Variants in PTPN2 observed in about 807,000 individuals in gnomAD.
The protein encoded by PTPN2 is protein tyrosine phosphatase non-receptor type 2.
In PTPN2, 19 loss-of-function variants were observed where a neutral mutation model predicts 57.3. That is an observed-to-expected ratio of 0.33 (90% CI 0.23 to 0.49). The LOEUF (loss-of-function observed/expected upper bound fraction) is 0.49. Among genes scored for constraint, PTPN2 ranks in the 20% least tolerant of loss-of-function variants. The pLI is 0.99. For missense variants in PTPN2, 358 were observed against 501.1 expected (o/e 0.71, Z 2.73); for synonymous variants, 153 against 164.9 (o/e 0.93, Z 0.55).
intron 8 of PTPN2, among the ~76,000 whole-genome samples, chr18:12,796,562 AAC>A (rs1453641236): frequency 3.9e-5 from 6 of 152,198 alleles, no homozygotes; most frequent in African/African-American, 7.2e-5. Flanking sequence ...TGCCACAGAA[AAC>A]AGTTTGACAG....
chr18:12,873,006 A>G (rs529616502), intron 1 of PTPN2, among the ~76,000 whole-genome samples: 9 of 152,204 alleles, frequency 5.9e-5, no homozygotes, highest in African/African-American at 1.9e-4. Flanking sequence ...GGATCACCTG[A>G]GGTCAGGAGT....
chr18:12,794,470 A>T lies in PTPN2; in HGVS notation c.1056T>A (p.Arg352=). The T allele has an allele frequency of 6.2e-7, 1 of 1,613,438 alleles. No homozygotes were observed. Among genetic ancestry groups the T allele is most frequent in the Non-Finnish European group, 8.5e-7 (1 of 1,180,016 alleles). The change falls in exon 9 of 9, where the codon CGT becomes CGA. Residue 352 remains arginine (R), a synonymous_variant. Coordinates refer to ENST00000309660, the MANE Select transcript of PTPN2 (RefSeq NM_002828.4). ...EENSESALRK[R]IREDRKATTA... is the part of the protein sequence containing the mutation. ...TGGTGGCCTTTCTGTCCTCTCGAAT[A>T]CGTTTCCGTAGAGCACTATGAGGAA...
intron 9 of PTPN2, chr18:12,786,933 T>C (rs1294635901): frequency 1.3e-5 from 2 of 152,226 alleles, no homozygotes; most frequent in Non-Finnish European, 2.9e-5. Context: ...GTTTATTACA[T>C]GAATCTTCAG....
rs2042107989 is a variant in PTPN2 at position 12,817,190 on chromosome 18, C to A, written c.671G>T (p.Gly224Val). ...ACAAGTGTCTACCAGAGAGAAGGTG[C>A]CAGAGCGCCCAATGCCTGCACTACA... Reference protein sequence around the residue: ...IHCSAGIGRSGTFSLVDTCLV... With the variant: ...IHCSAGIGRSVTFSLVDTCLV... Residue 224 changes from glycine (G) to valine (V), a missense_variant, in exon 6 of 9, where the codon GGC (glycine) becomes GTC (valine). Gly to Val is a moderately radical substitution (Grantham distance 109, BLOSUM62 -3). Coordinates refer to ENST00000309660, the MANE Select transcript of PTPN2 (RefSeq NM_002828.4). The A allele has an allele frequency of 6.2e-7, 1 of 1,614,014 alleles. No individual in the cohort carries two copies.
chr18:12,850,264 G>A (rs1420151677), intron 2 of PTPN2, among the ~76,000 whole-genome samples: 3 of 152,152 alleles, frequency 2.0e-5, no homozygotes, highest in East Asian at 3.9e-4. Flanking sequence ...GCCGAGGCAG[G>A]CAGATCACTT....
chr18:12,810,321 G>A (rs1002404695), intron 7 of PTPN2, among the ~76,000 whole-genome samples: 2 of 152,062 alleles, frequency 1.3e-5, no homozygotes, highest in Non-Finnish European at 2.9e-5. Context: ...CCGAGATCAC[G>A]CCACTGCAAT....
chr18:12,810,792 T>C (rs1684764359), intron 7 of PTPN2, among the ~76,000 whole-genome samples: 1 of 152,152 alleles, frequency 6.6e-6, no homozygotes, highest in South Asian at 2.1e-4. Flanking sequence ...GAAAGAGGTC[T>C]CTGGACTTCA....
chr18:12,801,568 TTTATTA>T (rs914905113), intron 8 of PTPN2, among the ~76,000 whole-genome samples: 1 of 152,038 alleles, frequency 6.6e-6, no homozygotes, highest in African/African-American at 2.4e-5. Flanking sequence ...TAATTATTTA[TTTATTA>T]TTATTATTTA....
intron 1 of PTPN2, among the ~76,000 whole-genome samples, chr18:12,870,059 G>A (rs1435088691): frequency 1.3e-5 from 2 of 151,004 alleles, no homozygotes; most frequent in South Asian, 2.1e-4. Flanking sequence ...TTTTCTTTGA[G>A]AAGCTCTCTT....
At chr18:12,815,839 G>A (rs1295671163) in intron 6 of PTPN2, among the ~76,000 whole-genome samples, 1 of 152,166 alleles carries the variant, frequency 6.6e-6, no homozygotes, top group Non-Finnish European at 1.5e-5. Context: ...AGCTCCTTGT[G>A]TGTGTGTTTA....
In PTPN2 at chr18:12,804,289, C is replaced by CAAAAAA. The variant is rs59927276; in HGVS notation, c.859-2144_859-2139dup. On this transcript the variant is annotated intron_variant, in intron 7 of 8. Transcript: ENST00000309660. Reference sequence around the variant, plus strand: ...TCTAGGGGTCAGAGTGAAACTGTCTCAAAAAAAAAAAAAAAAAAAAGAAAA... The same window carrying CAAAAAA: ...TCTAGGGGTCAGAGTGAAACTGTCTCAAAAAAAAAAAAAAAAAAAAAAAAAAGAAAA... 1.7e-3 allele frequency among the ~76,000 whole-genome samples: 117 copies of CAAAAAA among 67,776 alleles called. 2 individuals carry two copies. Among genetic ancestry groups the CAAAAAA allele is most frequent in the African/African-American group, 6.8e-3 (105 of 15,508 alleles). 44.5% of individuals were successfully genotyped at this position (67,776 alleles called of 152,430 possible).
chr18:12,856,238 C>T (rs183560551), intron 2 of PTPN2, among the ~76,000 whole-genome samples: 1 of 152,074 alleles, frequency 6.6e-6, no homozygotes, highest in East Asian at 1.9e-4. Flanking sequence ...GGTGCCAAGG[C>T]GGTGTGGGGA....
rs192203520 is a variant in PTPN2, at chr18:12,850,004, T to C, written c.160+9160A>G. On this transcript the variant is annotated intron_variant, in intron 2 of 8. Transcript: ENST00000309660. Reference sequence around the variant, plus strand: ...TGCACCTTCTTTCTTTCTTGTTTGATTGATCGTGCTCGATCTTGACAGAGT... The same window carrying C: ...TGCACCTTCTTTCTTTCTTGTTTGACTGATCGTGCTCGATCTTGACAGAGT... 2.6e-5 allele frequency among the ~76,000 whole-genome samples: 4 copies of C among 152,302 alleles called. No homozygotes were observed. The East Asian group carries it at 7.7e-4, about 29-fold the overall frequency.
chr18:12,831,089 A>T (rs757499109), intron 3 of PTPN2, 48 bp from the exon 4 acceptor site: 6 of 1,370,172 alleles, frequency 4.4e-6, no homozygotes, highest in Non-Finnish European at 6.2e-6. Flanking sequence ...AGACAGAAAG[A>T]GCAAGGCTCC....
intron 1 of PTPN2, among the ~76,000 whole-genome samples, chr18:12,866,727 G>A (rs909805835): frequency 6.6e-6 from 1 of 151,334 alleles, no homozygotes; most frequent in Non-Finnish European, 1.5e-5. Flanking sequence ...AATATATCTC[G>A]GCCGGGCGTG....
At chr18:12,824,972 G>C (rs1175760095) in intron 5 of PTPN2, among the ~76,000 whole-genome samples, 1 of 152,118 alleles carries the variant, frequency 6.6e-6, no homozygotes, top group Non-Finnish European at 1.5e-5. Flanking sequence ...TGTAATCCCA[G>C]ATACTCAGGA....
chr18:12,836,059 TTTAAG>T (rs1174667619), intron 3 of PTPN2, among the ~76,000 whole-genome samples: 1 of 151,882 alleles, frequency 6.6e-6, no homozygotes. Flanking sequence ...GTCATTCTGA[TTTAAG>T]TTATGTTTTC....
Position 12,823,937 on chromosome 18 carries a change from C to T in PTPN2, c.495+1873G>A, listed in dbSNP as rs529001019. ...TGTTACTTAAGGTATAATCAATTCTCAATAAGGACTGTTTCAGAAACAGGG... is the reference window on the plus strand; with the variant it reads ...TGTTACTTAAGGTATAATCAATTCTTAATAAGGACTGTTTCAGAAACAGGG... On this transcript the variant is annotated intron_variant, in intron 5 of 8. Coordinates refer to ENST00000309660, the MANE Select transcript of PTPN2 (RefSeq NM_002828.4). Among the ~76,000 whole-genome samples, 802 of 152,230 alleles carry T rather than the reference C, an allele frequency of 5.3e-3. 5 individuals are homozygous for T. Among genetic ancestry groups the T allele is most frequent in the African/African-American group, 0.019 (768 of 41,508 alleles).
intron 1 of PTPN2, among the ~76,000 whole-genome samples, chr18:12,874,255 G>A (rs2044388724): frequency 1.3e-5 from 2 of 148,826 alleles, no homozygotes; most frequent in East Asian, 2.0e-4. Context: ...GGGAGGTGGG[G>A]GGTTCAGCCC....
Sources: gnomAD v4.1 joint callset for allele counts (sites outside exome capture counted in the v4.1 genomes callset) on GRCh38, gnomAD v4.1.1 for gene constraint, MANE v1.5 for transcripts, NCBI Gene and HGNC (gene_info 2026-07-23, HGNC 2026-07-21) for gene names.